Variants in DSCAML1 observed in about 807,000 individuals in gnomAD.
DSCAML1 encodes the protein DS cell adhesion molecule like 1.
Under a neutral mutation model 200.5 loss-of-function variants are expected in DSCAML1, and 38 were observed. That is an observed-to-expected ratio of 0.19 (90% CI 0.15 to 0.25). The LOEUF is 0.25. Ranked by LOEUF, DSCAML1 falls within the 10% of genes least tolerant of loss-of-function variation. The pLI is 1.00. For synonymous variants in DSCAML1, 1,215 were observed against 1,165.0 expected, an observed-to-expected ratio of 1.04 and a Z score of -0.87; for missense variants, 2,223 against 2,858.8, an observed-to-expected ratio of 0.78 and a Z score of 5.07.
At chr11:117,799,118 T>C (rs1259621949), upstream of DSCAML1, among the ~76,000 whole-genome samples, 3 of 152,140 alleles carry the variant, frequency 2.0e-5, no homozygotes, top group African/African-American at 4.8e-5. Flanking sequence ...CCCTCACGTT[T>C]CCAGTCTTCT....
Position 117,480,606 on chromosome 11 carries a change from A to G in DSCAML1, c.2657-35T>C, listed in dbSNP as rs2048895121. On this transcript the variant is annotated intron_variant, in intron 13 of 32. Transcript: ENST00000651296. This position sits in a 1 kb window ranked among gnomAD's most constrained non-coding sequence, Gnocchi z 4.1. ...GGCAGTGGAGGGGAGGGAAGTGAGG[A>G]GGGCAGCAGGGAGCTTGGCCTCCTG... 1 of 1,549,146 alleles carries G rather than the reference A, an allele frequency of 6.5e-7. No individual in the cohort carries two copies. The highest frequency in any genetic ancestry group is 8.7e-7 in the Non-Finnish European group (1 of 1,146,030).
At chr11:117,462,664 T>G (rs1003772111) in intron 17 of DSCAML1, among the ~76,000 whole-genome samples, 2 of 152,222 alleles carry the variant, frequency 1.3e-5, no homozygotes, top group Non-Finnish European at 2.9e-5. Flanking sequence ...ATAAGCACCA[T>G]GTAATTAGGG....
chr11:117,458,776 G>A lies in DSCAML1; in HGVS notation c.3546C>T (p.Leu1182=). 1.9e-6 allele frequency: 3 copies of A among 1,613,590 alleles called. No homozygotes were observed. Among genetic ancestry groups the A allele is most frequent in the Non-Finnish European group, 1.7e-6 (2 of 1,179,990 alleles). Residue 1182 remains leucine, a synonymous_variant, in exon 19 of 33, where the codon CTC becomes CTT. Coordinates refer to ENST00000651296, the MANE Select transcript of DSCAML1 (RefSeq NM_020693.4). The part of the protein sequence containing the change: ...QAGDGVRSSV[L]YIQTKEDVPG... ...CACCGTCCTCCTTGGTCTGGATGTA[G>A]AGCACACTGCTGCGTACGCCGTCCC...
At chr11:117,446,722 C>T (rs766081280) in intron 20 of DSCAML1, among the ~76,000 whole-genome samples, 3 of 152,150 alleles carry the variant, frequency 2.0e-5, no homozygotes, top group Non-Finnish European at 4.4e-5. Flanking sequence ...TACTGTTGGC[C>T]ACTCACCCTG....
chr11:117,505,435 C>G lies in DSCAML1; in HGVS notation c.2062+19G>C. On this transcript the variant is annotated intron_variant, in intron 9 of 32. Coordinates refer to ENST00000651296, the MANE Select transcript of DSCAML1 (RefSeq NM_020693.4). This position sits in a 1 kb window ranked among gnomAD's most constrained non-coding sequence, Gnocchi z 6.7. ...GAATGGGCTCCTCCCTCCCCTGAGGCTGGCCTGTCCCTGCTCACCACGCAC... is the reference window on the plus strand; with the variant it reads ...GAATGGGCTCCTCCCTCCCCTGAGGGTGGCCTGTCCCTGCTCACCACGCAC... 6.2e-7 allele frequency: 1 copy of G among 1,602,168 alleles called. No individual in the cohort carries two copies. Among genetic ancestry groups the G allele is most frequent in the Non-Finnish European group, 8.5e-7 (1 of 1,176,510 alleles).
intron 3 of DSCAML1, among the ~76,000 whole-genome samples, chr11:117,634,911 A>G (rs1455787229): frequency 1.3e-5 from 2 of 152,120 alleles, no homozygotes; most frequent in Non-Finnish European, 2.9e-5. Flanking sequence ...CTGGCAGTAA[A>G]TGGGCCTTGA....
chr11:117,746,572 T>C (rs912988379), intron 3 of DSCAML1, among the ~76,000 whole-genome samples: 6 of 152,116 alleles, frequency 3.9e-5, no homozygotes, highest in African/African-American at 1.2e-4. Flanking sequence ...CGCGCTGCCA[T>C]TGGGGGCATC....
intron 3 of DSCAML1, among the ~76,000 whole-genome samples, chr11:117,624,286 C>G (rs1049434980): frequency 5.3e-5 from 8 of 152,082 alleles, no homozygotes; most frequent in African/African-American, 1.4e-4. Context: ...CTCAGCGAGG[C>G]CTGCAACAGG....
intron 3 of DSCAML1, among the ~76,000 whole-genome samples, chr11:117,551,788 C>T (rs915706679): frequency 7.1e-6 from 1 of 140,402 alleles, no homozygotes; most frequent in South Asian, 3.0e-4. Context: ...GGTGGCCTGG[C>T]GGCTGTGGGG....
At chr11:117,796,268 G>GC (rs955098387) in intron 1 of DSCAML1, among the ~76,000 whole-genome samples, 10 of 152,220 alleles carry the variant, frequency 6.6e-5, no homozygotes, top group African/African-American at 2.4e-4. Flanking sequence ...AGAGGGACAC[G>GC]CCCCCCAGCC....
At chr11:117,501,977 T>C (rs1031223935) in intron 11 of DSCAML1, among the ~76,000 whole-genome samples, 1 of 152,068 alleles carries the variant, frequency 6.6e-6, no homozygotes, top group Non-Finnish European at 1.5e-5. Context: ...TGGGGCCCCA[T>C]AGGTGAGCCC....
chr11:117,630,182 A>G (rs2052140528), intron 3 of DSCAML1, among the ~76,000 whole-genome samples: 1 of 150,864 alleles, frequency 6.6e-6, no homozygotes, highest in Non-Finnish European at 1.5e-5. Context: ...GACATCTCCC[A>G]TTCCAGTGCC....
intron 3 of DSCAML1, among the ~76,000 whole-genome samples, chr11:117,613,473 C>G (rs2051740423): frequency 6.6e-6 from 1 of 152,144 alleles, no homozygotes; most frequent in African/African-American, 2.4e-5. Context: ...AAACAATACA[C>G]TTTGTGAGAG....
At chr11:117,524,217 G>C (rs866040458) in intron 5 of DSCAML1, among the ~76,000 whole-genome samples, 4 of 152,220 alleles carry the variant, frequency 2.6e-5, no homozygotes, top group African/African-American at 9.7e-5. Flanking sequence ...GAAGGGGCAG[G>C]AGGAGGAATA....
At position 117,429,252 on chromosome 11, in the gene DSCAML1, G is replaced by T. The variant is rs2047733794; in HGVS notation, c.5687-449C>A. Among the ~76,000 whole-genome samples, 8 of 152,232 alleles carry T rather than the reference G, an allele frequency of 5.3e-5. No homozygotes were observed. In the South Asian group the frequency reaches 1.5e-3, roughly 28 times the overall value. On this transcript the variant is annotated intron_variant, in intron 32 of 32. Transcript: ENST00000651296. ...GAGGAGGAAAGGAATATCATTCCCT[G>T]TCGCCTCCCCACCATGGAGCCTGGT...
intron 1 of DSCAML1, among the ~76,000 whole-genome samples, chr11:117,783,626 G>A (rs373808571): frequency 9.9e-5 from 15 of 152,084 alleles, no homozygotes; most frequent in African/African-American, 3.6e-4. Flanking sequence ...TACTGATAAG[G>A]AAATTATGAC....
At chr11:117,591,542 T>C (rs2051259777) in intron 3 of DSCAML1, among the ~76,000 whole-genome samples, 1 of 152,222 alleles carries the variant, frequency 6.6e-6, no homozygotes, top group Non-Finnish European at 1.5e-5. Flanking sequence ...ATTTGTAATA[T>C]TCTCTGTCTG....
intron 20 of DSCAML1, among the ~76,000 whole-genome samples, chr11:117,448,358 G>A (rs534164766): frequency 2.0e-5 from 3 of 152,308 alleles, no homozygotes; most frequent in Non-Finnish European, 4.4e-5. Context: ...CTTCGAATGT[G>A]TATTCCATGA....
At chr11:117,778,029 T>G (rs1028198498) in intron 2 of DSCAML1, among the ~76,000 whole-genome samples, 1 of 152,332 alleles carries the variant, frequency 6.6e-6, no homozygotes, top group Admixed American at 6.5e-5. Context: ...CTTAGGGCCC[T>G]GGCAGCCCAT....
Sources: allele counts gnomAD v4.1 joint callset (sites outside exome capture counted in the v4.1 genomes callset), GRCh38; gene constraint gnomAD v4.1.1; non-coding constraint Gnocchi (gnomAD v3.1); transcripts MANE v1.5; gene names NCBI Gene and HGNC (gene_info 2026-07-23, HGNC 2026-07-21).